The following LRRC56 variants were observed in gnomAD, a reference collection of about 807,000 sequenced individuals.
LRRC56 encodes leucine-rich repeat-containing protein 56.
A neutral mutation model predicts 47.8 loss-of-function variants in LRRC56; 41 were observed. That is an observed-to-expected ratio of 0.86 (90% CI 0.67 to 1.11). The LOEUF (loss-of-function observed/expected upper bound fraction) is 1.11. Among genes scored for constraint, LRRC56 ranks in the 50% most tolerant of loss-of-function variants. The pLI is 0.00. For missense variants in LRRC56, 759 were observed against 704.2 expected (o/e 1.08, Z -0.88); for synonymous variants, 387 against 311.2 (o/e 1.24, Z -2.56).
intron 6 of LRRC56, among the ~76,000 whole-genome samples, chr11:549,355 G>A (rs1852256404): frequency 6.6e-6 from 1 of 152,220 alleles, no homozygotes; most frequent in African/African-American, 2.4e-5. Flanking sequence ...AGTCACTGTG[G>A]CTACAGTGGG....
At chr11:548,516 G>T (rs1589813937) in intron 6 of LRRC56, among the ~76,000 whole-genome samples, 1 of 152,208 alleles carries the variant, frequency 6.6e-6, no homozygotes, top group East Asian at 1.9e-4. Flanking sequence ...GGAGTGCAGT[G>T]GCGCAATCTC....
Position 552,158 on chromosome 11 carries a change from A to G in LRRC56, c.1107A>G (p.Pro369=). The G allele has an allele frequency of 6.2e-7, 1 of 1,612,564 alleles. No individual in the cohort carries two copies. The highest frequency in any genetic ancestry group is 8.5e-7 in the Non-Finnish European group (1 of 1,179,836). The change falls in exon 12 of 14, where the codon CCA becomes CCG. Residue 369 remains proline (P), a synonymous_variant. Transcript: ENST00000270115. The part of the protein sequence containing the change: ...PGDPAASTST[P]EPDPADSSDF... Reference sequence around the variant, plus strand: ...ATCCGGCCGCCAGCACTTCCACCCCAGAGCCTGACCCTGCAGACAGCTCTG... The same window carrying G: ...ATCCGGCCGCCAGCACTTCCACCCCGGAGCCTGACCCTGCAGACAGCTCTG...
chr11:509,146 G>A, the LRRC56 span, among the ~76,000 whole-genome samples: 1 of 152,144 alleles, frequency 6.6e-6, no homozygotes. Context: ...CAACCTGGCT[G>A]TGACCCTCAT....
the LRRC56 span, among the ~76,000 whole-genome samples, chr11:531,519 C>T: frequency 6.6e-6 from 1 of 152,194 alleles, no homozygotes; most frequent in Non-Finnish European, 1.5e-5. Context: ...CTGTGTATAC[C>T]CAGCAAGGCT....
At chr11:516,659 C>T in the LRRC56 span, among the ~76,000 whole-genome samples, 22 of 152,058 alleles carry the variant, frequency 1.4e-4, no homozygotes, top group African/African-American at 5.1e-4. Context: ...AAAAAGACGG[C>T]CGGACGTGGT....
the LRRC56 span, among the ~76,000 whole-genome samples, chr11:520,603 G>A: frequency 2.0e-5 from 3 of 152,190 alleles, no homozygotes; most frequent in East Asian, 5.8e-4. Context: ...ACAGGCATGA[G>A]CCACCGCGCC....
At chr11:521,559 C>T in the LRRC56 span, among the ~76,000 whole-genome samples, 1 of 152,196 alleles carries the variant, frequency 6.6e-6, no homozygotes, top group African/African-American at 2.4e-5. Context: ...TGGCCCACCT[C>T]AACCTCTCAA....
At chr11:525,032 G>C in the LRRC56 span, among the ~76,000 whole-genome samples, 1 of 150,302 alleles carries the variant, frequency 6.7e-6, no homozygotes, top group Non-Finnish European at 1.5e-5. Flanking sequence ...GGAGGTGGAG[G>C]TTGCAGTGAG....
At chr11:529,645 G>C in the LRRC56 span, 1 of 152,354 alleles carries the variant, frequency 6.6e-6, no homozygotes, top group East Asian at 1.9e-4. Context: ...ATCAGACCAG[G>C]GGGGCCACAC....
At chr11:521,808 G>A in the LRRC56 span, among the ~76,000 whole-genome samples, 1 of 151,880 alleles carries the variant, frequency 6.6e-6, no homozygotes, top group South Asian at 2.1e-4. Context: ...CCAGCTACTC[G>A]GAAGGCTGAG....
At position 551,769 on chromosome 11, in the gene LRRC56, T is replaced by C. The variant is rs1400324205; in HGVS notation, c.915T>C (p.Pro305=). ...TGCTGGTCCGTGGGGGCCCCCTGCC[T>C]GAAGGCCTGCTTTCTGAGGACCTGG... is the stretch of plus-strand genomic sequence containing the variant. ...FSLLVRGGPL[P]EGLLSEDLAP... The change falls in exon 10 of 14, where the codon CCT becomes CCC. Residue 305 remains proline (P), a synonymous_variant. Coordinates refer to ENST00000270115, the MANE Select transcript of LRRC56 (RefSeq NM_198075.4). 4 of 1,610,526 alleles carry C rather than the reference T, an allele frequency of 2.5e-6. No homozygotes were observed. The African/African-American group carries it at 5.3e-5, about 22-fold the overall frequency.
At chr11:532,398 C>T in the LRRC56 span, 1 of 613,254 alleles carries the variant, frequency 1.6e-6, no homozygotes, top group Non-Finnish European at 2.9e-6. Context: ...GTCACCTCGG[C>T]CCACGGTCCC....
At chr11:536,641 C>G (rs1339816186), upstream of LRRC56, among the ~76,000 whole-genome samples, 1 of 152,148 alleles carries the variant, frequency 6.6e-6, no homozygotes, top group Non-Finnish European at 1.5e-5. Flanking sequence ...TGCAGTGGCG[C>G]GCGCCTGTAG....
chr11:536,968 A>T (rs1225875407), upstream of LRRC56: 1 of 152,120 alleles, frequency 6.6e-6, no homozygotes, highest in East Asian at 1.9e-4. Flanking sequence ...AGAAGCGGCG[A>T]CTGGACGGCG....
At chr11:532,677 TCTCATCAGGAGGGTTCAGCTTCC>T, upstream of LRRC56, 1 of 1,613,042 alleles carries the variant, frequency 6.2e-7, no homozygotes, top group Non-Finnish European at 8.5e-7. Context: ...CCGGGGCCAC[TCTCATCAGGAGGGTTCAGCTTCC>T]GCAGCTTGTG....
rs1028405543 is a variant in LRRC56, at chr11:552,172, C to T, written c.1121C>T (p.Ala374Val). The T allele has an allele frequency of 6.2e-7, 1 of 1,612,626 alleles. No individual in the cohort carries two copies. Among genetic ancestry groups the T allele is most frequent in the Non-Finnish European group, 8.5e-7 (1 of 1,179,904 alleles). The stretch of plus-strand genomic sequence containing the variant: ...ACTTCCACCCCAGAGCCTGACCCTG[C>T]AGACAGCTCTGACTTCCTGGCCTTG... ...ASTSTPEPDP[A>V]DSSDFLALAG... Residue 374 changes from alanine (A) to valine (V), a missense_variant, in exon 12 of 14, where the codon GCA becomes GTA. Transcript: ENST00000270115.
chr11:511,500 C>T, the LRRC56 span, among the ~76,000 whole-genome samples: 1 of 152,154 alleles, frequency 6.6e-6, no homozygotes, highest in African/African-American at 2.4e-5. Context: ...TGAAATGTAG[C>T]GTATCCTCTG....
the LRRC56 span, among the ~76,000 whole-genome samples, chr11:531,742 T>C: frequency 1.3e-5 from 2 of 152,204 alleles, no homozygotes; most frequent in Non-Finnish European, 2.9e-5. Flanking sequence ...GGCCAGTCGG[T>C]GCTGGAGCCC....
At chr11:525,551 GAA>G in the LRRC56 span, among the ~76,000 whole-genome samples, 1 of 122,834 alleles carries the variant, frequency 8.1e-6, no homozygotes. Context: ...CTGTCTCAAA[GAA>G]AAAAAAAAAA....
Sources: allele counts gnomAD v4.1 joint callset (sites outside exome capture counted in the v4.1 genomes callset), GRCh38; gene constraint gnomAD v4.1.1; transcripts MANE v1.5; gene names NCBI Gene and HGNC (gene_info 2026-07-23, HGNC 2026-07-21).